IQGAP3: variants seen among roughly 807,000 people sequenced by gnomAD.
IQGAP3 encodes the protein IQ motif containing GTPase activating protein 3.
Under a neutral mutation model 208.2 loss-of-function variants are expected in IQGAP3, and 165 were observed. That is an observed-to-expected ratio of 0.79 (90% CI 0.70 to 0.90). IQGAP3 has a LOEUF of 0.90. IQGAP3 is among the 40% of genes least tolerant of loss of function. The pLI, the probability that IQGAP3 is intolerant of heterozygous loss-of-function variation, is 0.00. For missense variants in IQGAP3, 1,811 were observed against 2,043.1 expected (o/e 0.89, Z 2.19); for synonymous variants, 703 against 803.6 (o/e 0.87, Z 2.12).
rs1285117877 is a variant in IQGAP3 at position 156,540,726 on chromosome 1, C to G, written c.2721G>C (p.Lys907Asn). 1 of 1,614,028 alleles carries G rather than the reference C, an allele frequency of 6.2e-7. No homozygotes were observed. The highest frequency in any genetic ancestry group is 8.5e-7 in the Non-Finnish European group (1 of 1,180,018). Residue 907 changes from lysine to asparagine, a missense_variant, in exon 23 of 38, where the codon AAG becomes AAC. Transcript: ENST00000361170. ...IMDIKIGLLV[K>N]NRITLQEVVS... Reference sequence around the variant, plus strand: ...CCCATACCTGCAGAGTGATCCGGTTCTTCACCAGCAGGCCAATCTTGATGT... The same window carrying G: ...CCCATACCTGCAGAGTGATCCGGTTGTTCACCAGCAGGCCAATCTTGATGT...
Position 156,563,799 on chromosome 1 carries a change from C to T in IQGAP3, c.463G>A (p.Ala155Thr), listed in dbSNP as rs749261098. The T allele has an allele frequency of 6.2e-7, 1 of 1,613,906 alleles. No individual in the cohort carries two copies. Among genetic ancestry groups the T allele is most frequent in the Non-Finnish European group, 8.5e-7 (1 of 1,179,952 alleles). ...CCGTATAGATCATGTATCTGAGGGG[C>T]CAATCCCAGCCGGAAGAGGAAGAGA... ...LSLFLFRLGLAPQIHDLYGKV... is the reference protein window; with the variant it reads ...LSLFLFRLGLTPQIHDLYGKV... Residue 155 changes from alanine to threonine, a missense_variant, in exon 6 of 38, where the codon GCC (alanine) becomes ACC (threonine). Physicochemically the swap from Ala to Thr is moderately conservative, Grantham distance 58 (BLOSUM62 0). Coordinates refer to ENST00000361170, the MANE Select transcript of IQGAP3 (RefSeq NM_178229.5).
At chr1:156,532,659 G>A (rs1410196262) in intron 32 of IQGAP3, among the ~76,000 whole-genome samples, 1 of 152,068 alleles carries the variant, frequency 6.6e-6, no homozygotes, top group Non-Finnish European at 1.5e-5. Context: ...GCCAGCTTGG[G>A]CAACATGGCG....
intron 8 of IQGAP3, among the ~76,000 whole-genome samples, chr1:156,562,925 C>T (rs1676225780): frequency 6.6e-6 from 1 of 152,206 alleles, no homozygotes; most frequent in Admixed American, 6.5e-5. Context: ...GAAGATCATC[C>T]CCCAAGAACC....
chr1:156,550,398 C>T, intron 15 of IQGAP3, 47 bp from the exon 16 acceptor site: 4 of 1,463,820 alleles, frequency 2.7e-6, no homozygotes, highest in Non-Finnish European at 3.8e-6. Context: ...AAGCTAGTCT[C>T]TCTAGGTTCC....
chr1:156,562,671 A>G lies in IQGAP3; in HGVS notation c.799-6T>C. On this transcript the variant is annotated splice_region_variant and splice_polypyrimidine_tract_variant and intron_variant, in intron 8 of 37. Transcript: ENST00000361170. ...TCCTGGCTTTCTCTGTCATCCTGCAAAAACTCCATTGAAAGGGAACCTGGG... is the reference window on the plus strand; with the variant it reads ...TCCTGGCTTTCTCTGTCATCCTGCAGAAACTCCATTGAAAGGGAACCTGGG... 7 of 1,613,118 alleles carry G rather than the reference A, an allele frequency of 4.3e-6. No homozygotes were observed. Among genetic ancestry groups the G allele is most frequent in the Non-Finnish European group, 5.9e-6 (7 of 1,179,064 alleles).
chr1:156,533,861 G>A lies in IQGAP3; in HGVS notation c.3888C>T (p.His1296=). 6.2e-7 allele frequency: 1 copy of A among 1,610,924 alleles called. No individual in the cohort carries two copies. Among genetic ancestry groups the A allele is most frequent in the African/African-American group, 1.3e-5 (1 of 74,974 alleles). ...LVNTHRLLLE[H]QDCIAPDHQD... Reference sequence around the variant, plus strand: ...GGTGATCAGGGGCAATGCAGTCCTGGTGCTCCAGCAACAGCTGCAGGACGG... The same window carrying A: ...GGTGATCAGGGGCAATGCAGTCCTGATGCTCCAGCAACAGCTGCAGGACGG... Residue 1296 remains histidine (H), a synonymous_variant, in exon 31 of 38, where the codon CAC becomes CAT. Coordinates refer to ENST00000361170, the MANE Select transcript of IQGAP3 (RefSeq NM_178229.5).
rs1471255677 is a variant in IQGAP3 at position 156,534,116 on chromosome 1, C to T, written c.3766G>A (p.Val1256Met). 2 of 1,613,832 alleles carry T rather than the reference C, an allele frequency of 1.2e-6. No homozygotes were observed. Residue 1256 changes from valine (V) to methionine (M), a missense_variant, in exon 30 of 38, where the codon GTG becomes ATG. Physicochemically the swap from Val to Met is conservative, Grantham distance 21 (BLOSUM62 1). Transcript: ENST00000361170. ...FRKFIHRACQ[V>M]PEPEERFAVD... ...GCAAAACGCTCCTCTGGCTCTGGCA[C>T]CTGGCAGGCTCTATGGATGAACTTC...
At chr1:156,543,947 C>T in intron 22 of IQGAP3, 34 bp downstream of exon 22, 2 of 1,602,994 alleles carry the variant, frequency 1.2e-6, no homozygotes, top group East Asian at 4.5e-5. Context: ...CCTCTCCCTC[C>T]CAACAGCTGG....
At chr1:156,541,536 T>G (rs547125756) in intron 22 of IQGAP3, among the ~76,000 whole-genome samples, 2 of 152,266 alleles carry the variant, frequency 1.3e-5, no homozygotes, top group South Asian at 4.1e-4. Flanking sequence ...ACAAAACAAC[T>G]AATACATAGA....
chr1:156,528,604 A>G lies in IQGAP3; in HGVS notation c.4578T>C (p.Ser1526=). 1 of 1,611,866 alleles carries G rather than the reference A, an allele frequency of 6.2e-7. No individual in the cohort carries two copies. The highest frequency in any genetic ancestry group is 8.5e-7 in the Non-Finnish European group (1 of 1,178,264). The part of the protein sequence containing the change: ...LDHLAPDSKS[S]GKGKKQPSLH... ...GAGAAGGCTGCTTCTTCCCCTTCCC[A>G]GAACTCCTGATTAAAAGAAGGCCCC... The change falls in exon 36 of 38, where the codon TCT becomes TCC. Residue 1526 remains serine (S), a synonymous_variant. Transcript: ENST00000361170.
intron 14 of IQGAP3, 36 bp from the exon 15 acceptor site, chr1:156,551,904 T>C: frequency 6.3e-7 from 1 of 1,597,950 alleles, no homozygotes; most frequent in Non-Finnish European, 8.5e-7. Context: ...AGGGGGCCCC[T>C]AGACTTAATG....
chr1:156,555,614 A>G (rs1208457932), intron 12 of IQGAP3, among the ~76,000 whole-genome samples: 1 of 152,174 alleles, frequency 6.6e-6, no homozygotes, highest in Non-Finnish European at 1.5e-5. Flanking sequence ...TAAGGTTCTT[A>G]CTTTCTTCTC....
chr1:156,563,017 G>T, intron 8 of IQGAP3, 117 bp downstream of exon 8: 1 of 847,684 alleles, frequency 1.2e-6, no homozygotes, highest in Non-Finnish European at 1.9e-6. Context: ...ATAAATTATG[G>T]TTTCTCTAAG....
chr1:156,527,371 A>G (rs1422618328), intron 37 of IQGAP3, among the ~76,000 whole-genome samples: 1 of 151,920 alleles, frequency 6.6e-6, no homozygotes, highest in Non-Finnish European at 1.5e-5. Flanking sequence ...CCAGCTACTC[A>G]GGAAGCTGAG....
At chr1:156,532,827 G>GC (rs1674474474) in intron 32 of IQGAP3, among the ~76,000 whole-genome samples, 153 bp downstream of exon 32, 1 of 152,216 alleles carries the variant, frequency 6.6e-6, no homozygotes, top group African/African-American at 2.4e-5. Flanking sequence ...CAAGGCTGCA[G>GC]CGAGGGGAAT....
intron 12 of IQGAP3, among the ~76,000 whole-genome samples, chr1:156,555,745 C>T (rs1304584329): frequency 6.6e-6 from 1 of 152,166 alleles, no homozygotes; most frequent in African/African-American, 2.4e-5. Context: ...TTAACTTGCC[C>T]AATGTCACAT....
At chr1:156,565,766 C>G (rs941849078) in intron 4 of IQGAP3, among the ~76,000 whole-genome samples, 1 of 152,182 alleles carries the variant, frequency 6.6e-6, no homozygotes, top group Non-Finnish European at 1.5e-5. Flanking sequence ...GACATAGCAG[C>G]CTCCCACCCC....
At chr1:156,534,779 G>T (rs1003167038) in intron 28 of IQGAP3, 46 bp from the exon 29 acceptor site, 2 of 1,337,482 alleles carry the variant, frequency 1.5e-6, no homozygotes, top group South Asian at 1.5e-5. Context: ...GGGCCGCCTT[G>T]ACTGGTGCGG....
chr1:156,569,570 G>C (rs1489537499), intron 1 of IQGAP3, 107 bp from the exon 2 acceptor site: 1 of 503,726 alleles, frequency 2.0e-6, no homozygotes, highest in African/African-American at 2.1e-5. Flanking sequence ...CCAGGCTGGA[G>C]TGCAGTGGCC....
Sources: allele counts gnomAD v4.1 joint callset (sites outside exome capture counted in the v4.1 genomes callset), GRCh38; gene constraint gnomAD v4.1.1; transcripts MANE v1.5; gene names NCBI Gene and HGNC (gene_info 2026-07-23, HGNC 2026-07-21).